The following CD109 variants were observed in gnomAD, a reference collection of about 807,000 sequenced individuals.
CD109 encodes CD109 antigen.
Under a neutral mutation model 165.8 loss-of-function variants are expected in CD109, and 149 were observed. The ratio of observed to expected loss-of-function variants is 0.90; its 90% CI spans 0.79 to 1.03. CD109 has a LOEUF of 1.03. Ranked by LOEUF, CD109 falls within the 50% of genes least tolerant of loss-of-function variation. CD109 has a pLI of 0.00. For missense variants in CD109, 1,712 were observed against 1,677.8 expected (o/e 1.02, Z -0.36); for synonymous variants, 585 against 592.1 (o/e 0.99, Z 0.18).
intron 23 of CD109, among the ~76,000 whole-genome samples, chr6:73,797,706 ATTGT>A (rs1030001796): frequency 6.8e-4 from 104 of 152,248 alleles, no homozygotes; most frequent in African/African-American, 2.2e-3. Context: ...TTACTTTTTC[ATTGT>A]TTGTGAGCAG....
chr6:73,778,758 G>T (rs1774359615), intron 15 of CD109, among the ~76,000 whole-genome samples: 1 of 151,936 alleles, frequency 6.6e-6, no homozygotes, highest in Non-Finnish European at 1.5e-5. Flanking sequence ...AATAGTGGTT[G>T]CAGGTGTTTA....
chr6:73,768,114 A>G lies in CD109; in HGVS notation c.1557A>G (p.Leu519=). ...VGKQNSTMFS[L]TPENSWTPKA... ...AACAAAATTCAACAATGTTCTCTTTAACACCAGAAAATTCTTGGACTCCAA... is the reference window on the plus strand; with the variant it reads ...AACAAAATTCAACAATGTTCTCTTTGACACCAGAAAATTCTTGGACTCCAA... The change falls in exon 14 of 33, where the codon TTA becomes TTG. Residue 519 remains leucine, a synonymous_variant. Transcript: ENST00000287097. 1.2e-6 allele frequency: 2 copies of G among 1,613,110 alleles called. No homozygotes were observed. Among genetic ancestry groups the G allele is most frequent in the Non-Finnish European group, 1.7e-6 (2 of 1,179,206 alleles).
At chr6:73,762,993 C>A (rs1016164326) in intron 9 of CD109, 111 bp downstream of exon 9, 2 of 963,354 alleles carry the variant, frequency 2.1e-6, no homozygotes, top group Non-Finnish European at 1.5e-6. Flanking sequence ...TCTAAAGATG[C>A]TATTTAATGT....
Position 73,731,311 on chromosome 6 carries a change from G to A in CD109, c.507+737G>A, listed in dbSNP as rs189241137. 5.7e-4 allele frequency among the ~76,000 whole-genome samples: 87 copies of A among 152,360 alleles called. 1 individual carries two copies. The highest frequency in any genetic ancestry group is 5.6e-3 in the Admixed American group (86 of 15,308). On this transcript the variant is annotated intron_variant, in intron 4 of 32. Transcript: ENST00000287097. ...TCCCAAAGATGCTGGGATTATAGGC[G>A]TGAGCCACTGCGCCCAGCATGTTTG...
At chr6:73,763,305 G>A (rs1354449596) in intron 9 of CD109, among the ~76,000 whole-genome samples, 1 of 152,160 alleles carries the variant, frequency 6.6e-6, no homozygotes, top group East Asian at 1.9e-4. Context: ...ATCCCTGAAA[G>A]AGCAAAAGAC....
At chr6:73,687,373 T>G in the CD109 span, among the ~76,000 whole-genome samples, 1 of 151,412 alleles carries the variant, frequency 6.6e-6, no homozygotes, top group African/African-American at 2.4e-5. Flanking sequence ...TCCTTCCTCT[T>G]TCTTTCTCTT....
chr6:73,744,469 C>T (rs1023105543), intron 5 of CD109, among the ~76,000 whole-genome samples: 2 of 151,950 alleles, frequency 1.3e-5, no homozygotes, highest in African/African-American at 2.4e-5. Flanking sequence ...ATTTGATGAA[C>T]CTGTGAGCTA....
intron 7 of CD109, among the ~76,000 whole-genome samples, chr6:73,760,261 G>T (rs9341437): frequency 6.6e-6 from 1 of 151,800 alleles, no homozygotes; most frequent in Non-Finnish European, 1.5e-5. Flanking sequence ...CAAAAAATTA[G>T]CCGGGCGCGG....
intron 5 of CD109, among the ~76,000 whole-genome samples, chr6:73,738,140 A>G (rs991701529): frequency 3.3e-5 from 5 of 152,204 alleles, no homozygotes; most frequent in African/African-American, 1.2e-4. Flanking sequence ...TAGCAGAGGA[A>G]TTGTAAGGTG....
At chr6:73,811,522 G>T (rs1193852276) in intron 28 of CD109, among the ~76,000 whole-genome samples, 2 of 152,078 alleles carry the variant, frequency 1.3e-5, no homozygotes, top group Non-Finnish European at 2.9e-5. Flanking sequence ...TAAAACTGAG[G>T]CTGAGAGAGG....
intron 10 of CD109, among the ~76,000 whole-genome samples, chr6:73,764,162 G>A (rs1582121733): frequency 6.6e-6 from 1 of 152,190 alleles, no homozygotes; most frequent in Admixed American, 6.5e-5. Context: ...CAGGGCTATA[G>A]AGCCAAGAAG....
At chr6:73,700,800 T>G (rs956607790) in intron 2 of CD109, among the ~76,000 whole-genome samples, 2 of 127,310 alleles carry the variant, frequency 1.6e-5, no homozygotes, top group Non-Finnish European at 3.4e-5. Flanking sequence ...GTTTTTTTTT[T>G]TTTTTTTTTT....
the CD109 span, among the ~76,000 whole-genome samples, chr6:73,684,695 C>T: frequency 6.9e-4 from 105 of 151,248 alleles, no homozygotes; most frequent in African/African-American, 2.4e-3. Flanking sequence ...CCCTTCCCCT[C>T]TTTTTTAGAG....
At chr6:73,776,342 T>C (rs1774240867) in intron 15 of CD109, among the ~76,000 whole-genome samples, 1 of 151,776 alleles carries the variant, frequency 6.6e-6, no homozygotes, top group Non-Finnish European at 1.5e-5. Flanking sequence ...AACCTCTGCC[T>C]CCCAGGTTCA....
At chr6:73,697,696 T>A in intron 2 of CD109, 124 bp downstream of exon 2, 1 of 691,576 alleles carries the variant, frequency 1.4e-6, no homozygotes, top group Non-Finnish European at 2.3e-6. Context: ...AATATACTTT[T>A]AATTCTCACT....
intron 19 of CD109, among the ~76,000 whole-genome samples, chr6:73,785,106 A>G (rs1774638161): frequency 6.6e-6 from 1 of 152,236 alleles, no homozygotes; most frequent in African/African-American, 2.4e-5. Flanking sequence ...ATAACCAAAC[A>G]AAATAATTTA....
intron 5 of CD109, among the ~76,000 whole-genome samples, chr6:73,749,411 C>G (rs1435048382): frequency 6.6e-6 from 1 of 152,098 alleles, no homozygotes; most frequent in Non-Finnish European, 1.5e-5. Context: ...GGGCTCTGAG[C>G]TGGCTGACAG....
At chr6:73,798,855 TCTGGGG>T (rs1775262303) in intron 23 of CD109, among the ~76,000 whole-genome samples, 1 of 152,196 alleles carries the variant, frequency 6.6e-6, no homozygotes, top group Non-Finnish European at 1.5e-5. Flanking sequence ...GTTGATGTGA[TCTGGGG>T]GTGTGGAGGC....
At chr6:73,705,062 T>G (rs1771215512) in intron 2 of CD109, among the ~76,000 whole-genome samples, 1 of 152,172 alleles carries the variant, frequency 6.6e-6, no homozygotes, top group Non-Finnish European at 1.5e-5. Flanking sequence ...AGGAAAGAGC[T>G]GCTGGCTGGT....
Sources: allele counts gnomAD v4.1 joint callset (sites outside exome capture counted in the v4.1 genomes callset), GRCh38; gene constraint gnomAD v4.1.1; transcripts MANE v1.5; gene names NCBI Gene and HGNC (gene_info 2026-07-23, HGNC 2026-07-21).